TCF4: variants seen among roughly 807,000 people sequenced by gnomAD.
TCF4 encodes transcription factor 4.
In TCF4, 3 loss-of-function variants were observed where a neutral mutation model predicts 82.1. The ratio of observed to expected loss-of-function variants is 0.04; its 90% CI spans 0.02 to 0.09. The LOEUF is 0.09. Among genes scored for constraint, TCF4 ranks in the 10% least tolerant of loss-of-function variants. The pLI, the probability that TCF4 is intolerant of heterozygous loss-of-function variation, is 1.00. For missense variants in TCF4, 518 were observed against 852.7 expected, an observed-to-expected ratio of 0.61 and a Z score of 4.89; for synonymous variants, 276 against 309.6, an observed-to-expected ratio of 0.89 and a Z score of 1.14.
intron 11 of TCF4, chr18:55,268,797 T>C (rs1004574257): frequency 1.3e-5 from 2 of 152,128 alleles, no homozygotes; most frequent in East Asian, 1.9e-4. Context: ...AGCAGCATTA[T>C]TCTGTTGCGC....
intron 8 of TCF4, among the ~76,000 whole-genome samples, chr18:55,308,481 T>G (rs2071135207): frequency 6.6e-6 from 1 of 152,184 alleles, no homozygotes; most frequent in Admixed American, 6.5e-5. Flanking sequence ...TCGGGAGCAT[T>G]CTACCCAAAG....
At chr18:55,482,331 A>T (rs1441313594) in intron 3 of TCF4, 4 of 152,348 alleles carry the variant, frequency 2.6e-5, no homozygotes, top group African/African-American at 7.2e-5. Flanking sequence ...AAGCCAAAAA[A>T]TACCATGCAT....
intron 5 of TCF4, among the ~76,000 whole-genome samples, chr18:55,409,723 G>A (rs543735603): frequency 1.2e-4 from 18 of 152,058 alleles, no homozygotes; most frequent in Non-Finnish European, 2.4e-4. Flanking sequence ...TATTTAAATT[G>A]ATATGAAAAC....
intron 8 of TCF4, among the ~76,000 whole-genome samples, chr18:55,312,330 C>A (rs2147236693): frequency 6.6e-6 from 1 of 152,244 alleles, no homozygotes; most frequent in East Asian, 1.9e-4. Context: ...GGATCTTCAA[C>A]ATGAAGATTA....
In TCF4 at chr18:55,393,406, A is replaced by G. The variant is rs967137577; in HGVS notation, c.369+10048T>C. ...TAAGTGTTAAGTTATTTAATCCAAT[A>G]GGAATTCATCTGCATATGCTTTGTA... On this transcript the variant is annotated intron_variant, in intron 6 of 19. Transcript: ENST00000354452. 2.0e-5 allele frequency among the ~76,000 whole-genome samples: 3 copies of G among 152,178 alleles called. No homozygotes were observed. The South Asian group carries it at 6.2e-4, about 32-fold the overall frequency.
intron 3 of TCF4, chr18:55,510,886 C>G (rs1020378629): frequency 6.5e-6 from 4 of 611,972 alleles, no homozygotes; most frequent in Non-Finnish European, 6.4e-6. Context: ...TTTTCTGAAA[C>G]AAAAATAAAA....
At chr18:55,603,686 C>G (rs1480020414) in intron 2 of TCF4, among the ~76,000 whole-genome samples, 1 of 152,276 alleles carries the variant, frequency 6.6e-6, no homozygotes, top group Admixed American at 6.5e-5. Context: ...TGCATCTCTG[C>G]TGCTGGTTAA....
At chr18:55,295,483 G>A (rs1468892947) in intron 8 of TCF4, among the ~76,000 whole-genome samples, 2 of 152,146 alleles carry the variant, frequency 1.3e-5, no homozygotes, top group Non-Finnish European at 2.9e-5. Context: ...CTATCTTTCA[G>A]CAACATCTGA....
intron 10 of TCF4, among the ~76,000 whole-genome samples, chr18:55,275,286 A>C (rs1262073782): frequency 2.0e-5 from 3 of 150,694 alleles, no homozygotes; most frequent in South Asian, 2.1e-4. Context: ...AAAAAAAAAA[A>C]AAAAAAAAAA....
intron 3 of TCF4, chr18:55,482,007 C>T (rs1264781074): frequency 2.0e-5 from 3 of 152,156 alleles, no homozygotes; most frequent in African/African-American, 7.2e-5. Flanking sequence ...TTAATAATGA[C>T]TGTTGTCAAC....
intron 8 of TCF4, among the ~76,000 whole-genome samples, chr18:55,295,142 T>C (rs1193359307): frequency 6.6e-6 from 1 of 151,044 alleles, no homozygotes; most frequent in East Asian, 1.9e-4. Flanking sequence ...ACCTGCCCCC[T>C]AATTCTTTCT....
chr18:55,610,231 G>T (rs929350965), intron 2 of TCF4, among the ~76,000 whole-genome samples: 1 of 152,192 alleles, frequency 6.6e-6, no homozygotes, highest in Non-Finnish European at 1.5e-5. Context: ...ATTTATATAG[G>T]TGCAGAGGTC....
chr18:55,579,883 A>C (rs1285848747), intron 3 of TCF4, among the ~76,000 whole-genome samples: 1 of 152,108 alleles, frequency 6.6e-6, no homozygotes, highest in Non-Finnish European at 1.5e-5. Flanking sequence ...AGCTCAAAAC[A>C]AAACTGTTTA....
At chr18:55,303,265 A>ACC (rs1245137493) in intron 8 of TCF4, among the ~76,000 whole-genome samples, 1 of 143,660 alleles carries the variant, frequency 7.0e-6, no homozygotes, top group Admixed American at 6.9e-5. Flanking sequence ...ACACACACAC[A>ACC]CACCCCTACA....
chr18:55,430,895 G>A (rs2095170541), intron 5 of TCF4, among the ~76,000 whole-genome samples: 1 of 152,186 alleles, frequency 6.6e-6, no homozygotes, highest in South Asian at 2.1e-4. Context: ...ATCATCCCAG[G>A]AGATTTGAAG....
chr18:55,529,596 G>C (rs977040062), intron 3 of TCF4, among the ~76,000 whole-genome samples: 10 of 152,060 alleles, frequency 6.6e-5, no homozygotes, highest in Non-Finnish European at 1.2e-4. Flanking sequence ...TATTGTTTTA[G>C]ATCAGTTTTC....
intron 3 of TCF4, among the ~76,000 whole-genome samples, chr18:55,518,459 T>A (rs2096903934): frequency 6.6e-6 from 1 of 152,134 alleles, no homozygotes; most frequent in Non-Finnish European, 1.5e-5. Context: ...TAAATGATGG[T>A]AAGTCTAACA....
intron 8 of TCF4, among the ~76,000 whole-genome samples, chr18:55,346,502 A>C (rs1017230672): frequency 1.3e-5 from 2 of 152,194 alleles, no homozygotes; most frequent in Non-Finnish European, 1.5e-5. Flanking sequence ...TTTACTGAGA[A>C]GTACAGCTTT....
chr18:55,484,643 A>T (rs1171405359), intron 3 of TCF4, among the ~76,000 whole-genome samples: 2 of 152,216 alleles, frequency 1.3e-5, no homozygotes, highest in African/African-American at 2.4e-5. Context: ...TGTGGACAGA[A>T]CATCTATTAT....
Sources: allele counts gnomAD v4.1 joint callset (sites outside exome capture counted in the v4.1 genomes callset), GRCh38; gene constraint gnomAD v4.1.1; transcripts MANE v1.5; gene names NCBI Gene and HGNC (gene_info 2026-07-23, HGNC 2026-07-21).